ERG: variants seen among roughly 807,000 people sequenced by gnomAD.
The protein encoded by ERG is ETS transcription factor ERG.
ERG carries 9 observed loss-of-function variants against 55.3 expected under a neutral mutation model. The observed-to-expected ratio is 0.16, with a 90% CI of 0.10 to 0.28. ERG has a LOEUF of 0.28. ERG is among the 10% of genes least tolerant of loss of function. ERG has a pLI of 1.00. For synonymous variants in ERG, 223 were observed against 237.3 expected (o/e 0.94, Z 0.55); for missense variants, 434 against 631.6 (o/e 0.69, Z 3.35).
At chr21:38,407,163 T>C (rs1241247056) in intron 3 of ERG, among the ~76,000 whole-genome samples, 1 of 152,164 alleles carries the variant, frequency 6.6e-6, no homozygotes, top group Non-Finnish European at 1.5e-5. Flanking sequence ...AAGGAAATAA[T>C]AGAGGATGTG....
intron 1 of ERG, among the ~76,000 whole-genome samples, chr21:38,454,744 A>G (rs757002706): frequency 9.2e-5 from 14 of 152,236 alleles, no homozygotes; most frequent in Admixed American, 4.6e-4. Flanking sequence ...TATTCTAACA[A>G]GCCAGATGCA....
At chr21:38,393,599 TATTTTA>T (rs1232888664) in intron 6 of ERG, among the ~76,000 whole-genome samples, 6 of 152,218 alleles carry the variant, frequency 3.9e-5, no homozygotes, top group Non-Finnish European at 7.3e-5. Flanking sequence ...TTTAAACAAA[TATTTTA>T]ATTTTGTTTA....
At chr21:38,586,623 G>A (rs1045544100), upstream of ERG, among the ~76,000 whole-genome samples, 2 of 152,130 alleles carry the variant, frequency 1.3e-5, no homozygotes, top group Non-Finnish European at 2.9e-5. Flanking sequence ...TGGGAACGTA[G>A]ATCAGTACAG....
At chr21:38,615,303 T>C (rs1693528158) in intron 1 of ERG, among the ~76,000 whole-genome samples, 1 of 152,030 alleles carries the variant, frequency 6.6e-6, no homozygotes, top group African/African-American at 2.4e-5. Context: ...ATAAAATAAA[T>C]GGGGAGATGC....
intron 1 of ERG, among the ~76,000 whole-genome samples, chr21:38,492,357 T>C (rs2059343813): frequency 6.6e-6 from 1 of 152,214 alleles, no homozygotes; most frequent in African/African-American, 2.4e-5. Context: ...TTTTATACTT[T>C]CTTAAACATC....
At chr21:38,560,266 C>T (rs761145543) in intron 2 of ERG, among the ~76,000 whole-genome samples, 2 of 152,192 alleles carry the variant, frequency 1.3e-5, no homozygotes, top group Non-Finnish European at 2.9e-5. Flanking sequence ...CCCTTTCCTG[C>T]TTCTACAGAT....
chr21:38,516,158 A>C (rs1009863884), intron 2 of ERG, among the ~76,000 whole-genome samples: 6 of 152,220 alleles, frequency 3.9e-5, no homozygotes, highest in African/African-American at 1.2e-4. Flanking sequence ...GAAAGCAATA[A>C]AGGTCATCCA....
intron 2 of ERG, among the ~76,000 whole-genome samples, chr21:38,566,634 T>G (rs2059924824): frequency 6.6e-6 from 1 of 152,216 alleles, no homozygotes; most frequent in East Asian, 1.9e-4. Context: ...AATAATGCTC[T>G]CTAAACCCTT....
chr21:38,448,645 C>T (rs1231958513), intron 1 of ERG, among the ~76,000 whole-genome samples: 1 of 152,178 alleles, frequency 6.6e-6, no homozygotes, highest in Non-Finnish European at 1.5e-5. Context: ...GACCCATTCC[C>T]ACAACAGCGG....
At position 38,494,244 on chromosome 21, in the gene ERG, G is replaced by C. The variant is rs111719416; in HGVS notation, c.18+4119C>G. 7.9e-3 allele frequency among the ~76,000 whole-genome samples: 1,204 copies of C among 152,290 alleles called. 16 individuals carry two copies. Among genetic ancestry groups the C allele is most frequent in the African/African-American group, 0.028 (1,171 of 41,564 alleles). On this transcript the variant is annotated intron_variant, in intron 1 of 9. Transcript: ENST00000288319. ...TGGGGTCAAAGGAGGGGACAAGAAG[G>C]CTCTCCTTGAGGTAGCTCCAAAGAA...
Position 38,572,205 on chromosome 21 carries a change from A to C in ERG, c.-41+3457T>G, listed in dbSNP as rs1473998235. On this transcript the variant is annotated intron_variant, in intron 2 of 8. Coordinates refer to the ERG transcript ENST00000398897. ...CCCCGTCTCTACTAAAAAAAAAAAA[A>C]AAAATGCAAAAAATTAGCCAGGCGT... is the stretch of plus-strand genomic sequence containing the variant. Among the ~76,000 whole-genome samples the C allele has an allele frequency of 2.0e-5, 3 of 150,398 alleles. No individual in the cohort carries two copies. In the East Asian group the frequency reaches 5.8e-4, roughly 29 times the overall value.
intron 1 of ERG, among the ~76,000 whole-genome samples, chr21:38,473,024 G>C (rs1181865844): frequency 6.6e-6 from 1 of 152,152 alleles, no homozygotes; most frequent in Non-Finnish European, 1.5e-5. Context: ...CAGGCACTGC[G>C]GGGCAGAACT....
chr21:38,610,044 G>A (rs143989630), intron 1 of ERG, among the ~76,000 whole-genome samples: 1,565 of 152,358 alleles, frequency 0.01, 33 homozygotes, highest in African/African-American at 0.035. Flanking sequence ...CCTGGCTGGT[G>A]CCTTTAGAGT....
intron 1 of ERG, among the ~76,000 whole-genome samples, chr21:38,641,416 A>C (rs2060424303): frequency 6.6e-6 from 1 of 152,210 alleles, no homozygotes; most frequent in African/African-American, 2.4e-5. Flanking sequence ...ATGTGAAATA[A>C]AGTCTTGTTT....
chr21:38,384,323 C>T (rs1284623935), intron 9 of ERG, among the ~76,000 whole-genome samples: 1 of 152,256 alleles, frequency 6.6e-6, no homozygotes, highest in African/African-American at 2.4e-5. Flanking sequence ...TTCCTTAGCG[C>T]TGCCCCTGCA....
chr21:38,618,202 G>T (rs911878922), intron 1 of ERG, among the ~76,000 whole-genome samples: 7 of 152,200 alleles, frequency 4.6e-5, no homozygotes, highest in African/African-American at 7.2e-5. Flanking sequence ...TGACAGCCAA[G>T]CAAGGAGCAA....
chr21:38,619,311 G>A (rs2060276622), intron 1 of ERG, among the ~76,000 whole-genome samples: 1 of 152,158 alleles, frequency 6.6e-6, no homozygotes, highest in Non-Finnish European at 1.5e-5. Flanking sequence ...CATGGGATGT[G>A]TTTCTCTGAG....
intron 6 of ERG, among the ~76,000 whole-genome samples, chr21:38,393,342 A>G (rs755916523): frequency 1.3e-5 from 2 of 152,206 alleles, no homozygotes; most frequent in African/African-American, 2.4e-5. Context: ...TATTACAGAA[A>G]CCTTATTATA....
At chr21:38,573,590 T>C (rs1473470006) in intron 2 of ERG, among the ~76,000 whole-genome samples, 3 of 152,230 alleles carry the variant, frequency 2.0e-5, no homozygotes, top group Non-Finnish European at 4.4e-5. Flanking sequence ...TCCCTTGAAC[T>C]TAATTATGAC....
Sources: allele counts gnomAD v4.1 joint callset (sites outside exome capture counted in the v4.1 genomes callset), GRCh38; gene constraint gnomAD v4.1.1; transcripts MANE v1.5; gene names NCBI Gene and HGNC (gene_info 2026-07-23, HGNC 2026-07-21).